Variants in CSMD1 observed in about 807,000 individuals in gnomAD.
CSMD1 encodes the protein CUB and Sushi multiple domains 1.
CSMD1 carries 213 observed loss-of-function variants against 417.5 expected under a neutral mutation model. The ratio of observed to expected loss-of-function variants is 0.51; its 90% confidence interval spans 0.46 to 0.57. The LOEUF is 0.57. CSMD1 is among the 20% of genes least tolerant of loss of function. CSMD1 has a pLI of 0.00. For missense variants in CSMD1, 6,923 were observed against 4,529.7 expected, an observed-to-expected ratio of 1.53 and a Z score of -15.17; for synonymous variants, 2,862 against 1,736.8, an observed-to-expected ratio of 1.65 and a Z score of -16.11.
At chr8:4,074,778 TTC>T (rs1243187588) in intron 3 of CSMD1, among the ~76,000 whole-genome samples, 3 of 152,138 alleles carry the variant, frequency 2.0e-5, no homozygotes, top group African/African-American at 7.2e-5. Context: ...TGCAAAGTAG[TTC>T]TCTTTAGTTA....
intron 20 of CSMD1, among the ~76,000 whole-genome samples, chr8:3,362,515 C>A (rs1024279701): frequency 1.3e-5 from 2 of 152,212 alleles, no homozygotes; most frequent in African/African-American, 4.8e-5. Flanking sequence ...CTGGACCCAA[C>A]TTCTCATTTG....
chr8:4,991,317 A>G (rs1413511796), intron 1 of CSMD1, among the ~76,000 whole-genome samples: 4 of 152,230 alleles, frequency 2.6e-5, no homozygotes, highest in Non-Finnish European at 4.4e-5. Flanking sequence ...AATGCCATTA[A>G]TAATCCAGAA....
chr8:4,819,370 T>C (rs1005652119), intron 1 of CSMD1, among the ~76,000 whole-genome samples: 2 of 152,282 alleles, frequency 1.3e-5, no homozygotes, highest in African/African-American at 4.8e-5. Context: ...GACATGGAAA[T>C]AGGCCTCTCA....
chr8:4,064,050 G>A (rs906231449), intron 3 of CSMD1, among the ~76,000 whole-genome samples: 1 of 152,132 alleles, frequency 6.6e-6, no homozygotes, highest in South Asian at 2.1e-4. Context: ...GAGAGTGAGG[G>A]CTCCTGAGAA....
intron 1 of CSMD1, among the ~76,000 whole-genome samples, chr8:4,962,221 ATT>A (rs34734916): frequency 0.24 from 36,657 of 150,568 alleles, 5,882 homozygotes; most frequent in African/African-American, 0.45. Context: ...AAAAACAAAT[ATT>A]TGTTGGAGAC....
At chr8:3,966,394 C>T (rs192858970) in intron 5 of CSMD1, among the ~76,000 whole-genome samples, 2 of 152,210 alleles carry the variant, frequency 1.3e-5, no homozygotes, top group East Asian at 3.9e-4. Flanking sequence ...GAAAACAATT[C>T]TGATAAATAT....
chr8:3,122,090 T>C (rs959801573), intron 41 of CSMD1, among the ~76,000 whole-genome samples: 1 of 152,044 alleles, frequency 6.6e-6, no homozygotes, highest in African/African-American at 2.4e-5. Context: ...TTAGAAACAG[T>C]GTTTGAAAAT....
intron 18 of CSMD1, among the ~76,000 whole-genome samples, chr8:3,382,459 T>C (rs1251184571): frequency 7.7e-6 from 1 of 129,594 alleles, no homozygotes; most frequent in Non-Finnish European, 1.6e-5. Flanking sequence ...ATAATATATA[T>C]AATATATTAT....
chr8:4,897,035 A>G (rs73505847), intron 1 of CSMD1, among the ~76,000 whole-genome samples: 1 of 151,998 alleles, frequency 6.6e-6, no homozygotes, highest in East Asian at 1.9e-4. Context: ...CAGTTTTATC[A>G]ATGTTTTAAA....
At chr8:4,347,055 G>A (rs1277338312) in intron 3 of CSMD1, among the ~76,000 whole-genome samples, 2 of 152,134 alleles carry the variant, frequency 1.3e-5, no homozygotes, top group Non-Finnish European at 2.9e-5. Context: ...ATCTAGACCA[G>A]AGACACCTTT....
At position 4,652,895 on chromosome 8, in the gene CSMD1, G is replaced by A. The variant is rs190629592; in HGVS notation, c.86-15337C>T. Among the ~76,000 whole-genome samples the A allele has an allele frequency of 3.1e-3, 476 of 151,448 alleles. 3 individuals carry two copies. Among genetic ancestry groups the A allele is most frequent in the South Asian group, 0.018 (85 of 4,818 alleles). Reference sequence around the variant, plus strand: ...GTTCATGCTCCTGTAAGAATCTAACGCCGCTGCTGATGTGGTGGGGTGGAG... The same window carrying A: ...GTTCATGCTCCTGTAAGAATCTAACACCGCTGCTGATGTGGTGGGGTGGAG... On this transcript the variant is annotated intron_variant, in intron 1 of 69. Transcript: ENST00000635120.
chr8:4,378,623 G>A (rs1210644047), intron 3 of CSMD1, among the ~76,000 whole-genome samples: 41 of 152,146 alleles, frequency 2.7e-4, no homozygotes, highest in Admixed American at 2.7e-3. Context: ...ACAAGAGTTT[G>A]AAGACAAAAA....
chr8:4,737,290 A>T (rs1322777381), intron 1 of CSMD1, among the ~76,000 whole-genome samples: 2 of 152,132 alleles, frequency 1.3e-5, no homozygotes, highest in Middle Eastern at 3.2e-3. Flanking sequence ...ACTGATAAGA[A>T]CACATGGAGA....
intron 1 of CSMD1, among the ~76,000 whole-genome samples, chr8:4,940,842 G>A (rs2117234859): frequency 6.6e-6 from 1 of 152,268 alleles, no homozygotes; most frequent in Admixed American, 6.5e-5. Flanking sequence ...TGTCAGGTAA[G>A]GCTTAGAGGT....
chr8:4,473,784 C>T (rs1023526688), intron 2 of CSMD1, among the ~76,000 whole-genome samples: 2 of 152,060 alleles, frequency 1.3e-5, no homozygotes, highest in African/African-American at 4.8e-5. Context: ...TTCTTTTAAC[C>T]TATTATCTTA....
At position 3,885,399 on chromosome 8, in the gene CSMD1, G is replaced by C. The variant is rs79024747; in HGVS notation, c.818+112504C>G. Among the ~76,000 whole-genome samples, 1,100 of 152,230 alleles carry C rather than the reference G, an allele frequency of 7.2e-3. 14 individuals are homozygous for C. The highest frequency in any genetic ancestry group is 0.025 in the African/African-American group (1,045 of 41,530). ...AAAGCTTGAAGCTGCCAATGGAGTA[G>C]TTATGAGGACAATATCCCATCACAG... On this transcript the variant is annotated intron_variant, in intron 5 of 69. Coordinates refer to ENST00000635120, the MANE Select transcript of CSMD1 (RefSeq NM_033225.6).
intron 23 of CSMD1, among the ~76,000 whole-genome samples, chr8:3,320,754 G>A (rs937071784): frequency 1.3e-5 from 2 of 152,140 alleles, no homozygotes; most frequent in African/African-American, 2.4e-5. Flanking sequence ...TGGCTTGCAG[G>A]TGCCAGCCCA....
rs533258534 is a variant in CSMD1, at chr8:4,738,427, G to C, written c.86-100869C>G. 8.4e-4 allele frequency among the ~76,000 whole-genome samples: 128 copies of C among 152,160 alleles called. No homozygotes were observed. The Middle Eastern group carries it at 0.034, about 40-fold the overall frequency. On this transcript the variant is annotated intron_variant, in intron 1 of 69. Transcript: ENST00000635120. ...CAGAAGGAGAAGGGCTGAGCGAAGG[G>C]GGAAAAGCCCCTTATAAAACCATCA...
chr8:3,875,062 A>G (rs1805724809), intron 5 of CSMD1, among the ~76,000 whole-genome samples: 1 of 152,228 alleles, frequency 6.6e-6, no homozygotes. Flanking sequence ...GAAAGAGCAG[A>G]AGAGCGGACA....
Sources: gnomAD v4.1 joint callset for allele counts (sites outside exome capture counted in the v4.1 genomes callset) on GRCh38, gnomAD v4.1.1 for gene constraint, MANE v1.5 for transcripts, NCBI Gene and HGNC (gene_info 2026-07-23, HGNC 2026-07-21) for gene names.